The following SEMA7A variants were observed in gnomAD, a reference collection of about 807,000 sequenced individuals.
SEMA7A encodes semaphorin 7A (JohnMiltonHagen blood group), also known as semaphorin-7A.
SEMA7A carries 21 observed loss-of-function variants against 67.5 expected under a neutral mutation model. That is an observed-to-expected ratio of 0.31 (90% CI 0.22 to 0.45). SEMA7A has a LOEUF of 0.45. Among genes scored for constraint, SEMA7A ranks in the 20% least tolerant of loss-of-function variants. The probability of loss-of-function intolerance (pLI) is 1.00; values close to 1 mark genes in which losing one functional copy is unlikely to be tolerated. For synonymous variants in SEMA7A, 364 were observed against 368.5 expected, an observed-to-expected ratio of 0.99 and a Z score of 0.14; for missense variants, 774 against 908.6, an observed-to-expected ratio of 0.85 and a Z score of 1.90.
At chr15:74,432,315 G>A (rs1178856841) in intron 1 of SEMA7A, among the ~76,000 whole-genome samples, 2 of 152,178 alleles carry the variant, frequency 1.3e-5, no homozygotes, top group Non-Finnish European at 2.9e-5. Flanking sequence ...TGGCAGAGGG[G>A]TGTGCAGGCC....
chr15:74,411,642 G>A lies in SEMA7A; in HGVS notation c.1491C>T (p.Gly497=), dbSNP rs150179930. ...ACATGAGGCAACCGTGGCAGCCCCC[G>A]CCATAGACCTCACACAGGTCCAGGG... ...QVPLDLCEVY[G]GGCHGCLMSR... is the part of the protein sequence containing the mutation. Residue 497 remains glycine (G), a synonymous_variant, in exon 12 of 14, where the codon GGC becomes GGT. Coordinates refer to ENST00000261918, the MANE Select transcript of SEMA7A (RefSeq NM_003612.5). This position sits in a 1 kb window ranked among gnomAD's most constrained non-coding sequence, Gnocchi z 4.4. 1,937 of 1,612,364 alleles carry A rather than the reference G, an allele frequency of 1.2e-3. 21 individuals are homozygous for A. In the African/African-American group the frequency reaches 0.023, roughly 19 times the overall value.
chr15:74,417,229 C>T (rs1009085679), intron 6 of SEMA7A, 106 bp downstream of exon 6: 4 of 870,238 alleles, frequency 4.6e-6, no homozygotes, highest in Non-Finnish European at 5.7e-6. Flanking sequence ...CCTGCATGGC[C>T]CCAGCGGCCC....
chr15:74,431,207 C>G (rs1294701785), intron 1 of SEMA7A, among the ~76,000 whole-genome samples: 1 of 152,220 alleles, frequency 6.6e-6, no homozygotes. Flanking sequence ...TCAGTGACAG[C>G]CCTTGGGGGA....
At chr15:74,419,087 TG>T (rs1195118916) in intron 1 of SEMA7A, 135 bp from the exon 2 acceptor site, 18 of 1,010,382 alleles carry the variant, frequency 1.8e-5, no homozygotes, top group African/African-American at 1.6e-5. Context: ...AGCTCTGGGC[TG>T]GGGTGGTACC....
Position 74,423,498 on chromosome 15 carries a change from ATCCTGGGCT to A in SEMA7A, c.179-4555_179-4547del, listed in dbSNP as rs922172156. 5.3e-5 allele frequency among the ~76,000 whole-genome samples: 8 copies of A among 152,258 alleles called. No individual in the cohort carries two copies. The highest frequency in any genetic ancestry group is 1.9e-4 in the African/African-American group (8 of 41,548). ...CCCAGCTGCTTCTCTCCAGGATCAC[ATCCTGGGCT>A]TCCTGGAGAGCCTCTGATTTGCAAA... On this transcript the variant is annotated intron_variant, in intron 1 of 13. Transcript: ENST00000261918. The surrounding 1 kb of genome is among the most constrained non-coding windows in gnomAD (Gnocchi z 4.1).
At chr15:74,422,298 G>A (rs2061006601) in intron 1 of SEMA7A, among the ~76,000 whole-genome samples, 1 of 151,944 alleles carries the variant, frequency 6.6e-6, no homozygotes, top group South Asian at 2.1e-4. Context: ...TCTAAAAGGA[G>A]CACCGTCTGG....
intron 1 of SEMA7A, among the ~76,000 whole-genome samples, chr15:74,421,219 G>A (rs949501291): frequency 6.6e-6 from 1 of 152,158 alleles, no homozygotes; most frequent in African/African-American, 2.4e-5. Context: ...CCTACCCTGG[G>A]AATACATCTG....
rs1252868153 is a variant in SEMA7A, at chr15:74,411,872, G to A, written c.1422+13C>T. ...ACTGCATAGCCCATGGGACGCAGTG[G>A]GGGAAGGCTCACCCGCTCAGCATCC... is the stretch of plus-strand genomic sequence containing the variant. On this transcript the variant is annotated intron_variant, in intron 11 of 13. Transcript: ENST00000261918. This position sits in a 1 kb window ranked among gnomAD's most constrained non-coding sequence, Gnocchi z 4.4. The A allele has an allele frequency of 1.2e-6, 2 of 1,613,534 alleles. No homozygotes were observed. Among genetic ancestry groups the A allele is most frequent in the Non-Finnish European group, 8.5e-7 (1 of 1,179,946 alleles).
At position 74,418,235 on chromosome 15, in the gene SEMA7A, C is replaced by T. The variant is rs750036426; in HGVS notation, c.372+33G>A. On this transcript the variant is annotated intron_variant, in intron 3 of 13. Transcript: ENST00000261918. ...GGTCTCCTCTCCCTTTACCAAGTGG[C>T]TCAGACCCCTCCATACCCCCTCCCC... 6 of 1,607,584 alleles carry T rather than the reference C, an allele frequency of 3.7e-6. No individual in the cohort carries two copies. The East Asian group carries it at 8.9e-5, about 24-fold the overall frequency.
Position 74,411,822 on chromosome 15 carries a change from A to C in SEMA7A, c.1422+63T>G. On this transcript the variant is annotated intron_variant, in intron 11 of 13. Coordinates refer to ENST00000261918, the MANE Select transcript of SEMA7A (RefSeq NM_003612.5). This position sits in a 1 kb window ranked among gnomAD's most constrained non-coding sequence, Gnocchi z 4.4. ...AAAAGAACACACAAATCACATGCAA[A>C]GGAGCCCTGTCCTCAGCTGCAGTCA... is the stretch of plus-strand genomic sequence containing the variant. 1 of 1,606,100 alleles carries C rather than the reference A, an allele frequency of 6.2e-7. No homozygotes were observed. The highest frequency in any genetic ancestry group is 1.1e-5 in the South Asian group (1 of 90,396).
intron 6 of SEMA7A, 49 bp from the exon 7 acceptor site, chr15:74,416,763 G>A: frequency 1.3e-6 from 2 of 1,598,364 alleles, no homozygotes; most frequent in South Asian, 1.1e-5. Context: ...GCTTGCCCGG[G>A]AGACCATCCC....
intron 1 of SEMA7A, among the ~76,000 whole-genome samples, chr15:74,421,314 G>C (rs890203273): frequency 6.6e-6 from 1 of 152,190 alleles, no homozygotes; most frequent in Non-Finnish European, 1.5e-5. Context: ...TGCCCACAAA[G>C]TATCTGCTGA....
chr15:74,410,327 A>C lies in SEMA7A; in HGVS notation c.*297T>G. ...GCTCTTGGGCTGGGAGCATCGCTGCATTTAGTCAAGTTTGAGGAGTCTGAA... is the reference window on the plus strand; with the variant it reads ...GCTCTTGGGCTGGGAGCATCGCTGCCTTTAGTCAAGTTTGAGGAGTCTGAA... On this transcript the variant is annotated 3_prime_UTR_variant, in exon 14 of 14. Transcript: ENST00000261918. This position sits in a 1 kb window ranked among gnomAD's most constrained non-coding sequence, Gnocchi z 7.5. The C allele has an allele frequency of 2.6e-6, 1 of 390,048 alleles. No individual in the cohort carries two copies. The highest frequency in any genetic ancestry group is 4.6e-6 in the Non-Finnish European group (1 of 219,180). 24.2% of individuals were successfully genotyped at this position (390,048 alleles called of 1,614,324 possible). A position where few individuals can be genotyped will look rare whatever the true frequency, so the allele number is the denominator to read the frequency against.
intron 1 of SEMA7A, among the ~76,000 whole-genome samples, chr15:74,433,370 A>G (rs2061108242): frequency 1.3e-5 from 2 of 151,654 alleles, no homozygotes; most frequent in Non-Finnish European, 2.9e-5. Flanking sequence ...TTGGGGTCCC[A>G]GGCGGGGAAA....
At chr15:74,424,285 T>G (rs1396355914) in intron 1 of SEMA7A, among the ~76,000 whole-genome samples, 1 of 152,174 alleles carries the variant, frequency 6.6e-6, no homozygotes, top group Non-Finnish European at 1.5e-5. Flanking sequence ...GTGCTGGTAC[T>G]TGTTTGGGCC....
In SEMA7A at chr15:74,410,773, C is replaced by T; in HGVS notation, c.1852G>A (p.Gly618Ser). 2 of 1,614,158 alleles carry T rather than the reference C, an allele frequency of 1.2e-6. No individual in the cohort carries two copies. Among genetic ancestry groups the T allele is most frequent in the Non-Finnish European group, 1.7e-6 (2 of 1,180,032 alleles). The stretch of plus-strand genomic sequence containing the variant: ...TGCTGAGCCTCGCGGAAGTAGGAGC[C>T]CTCCTGGGCCTCGCAGAAGTAGTGG... ...YGHYFCEAQEGSYFREAQHWQ... is the reference protein window; with the variant it reads ...YGHYFCEAQESSYFREAQHWQ... Residue 618 changes from glycine to serine, a missense_variant, in exon 14 of 14, where the codon GGC becomes AGC. Physicochemically the swap from Gly to Ser is moderately conservative, Grantham distance 56 (BLOSUM62 0). This residue lies in a region of SEMA7A where 427 missense variants were observed against 555.4 expected (regional missense o/e 0.77). Coordinates refer to ENST00000261918, the MANE Select transcript of SEMA7A (RefSeq NM_003612.5). The surrounding 1 kb of genome is among the most constrained non-coding windows in gnomAD (Gnocchi z 7.5).
chr15:74,416,734 G>A lies in SEMA7A; in HGVS notation c.662-20C>T, dbSNP rs2734629. On this transcript the variant is annotated intron_variant, in intron 6 of 13. Coordinates refer to ENST00000261918, the MANE Select transcript of SEMA7A (RefSeq NM_003612.5). ...GTGGGTCTGCCAGGGACAGAGGCGA[G>A]TGGGCGTAAGGCTGGGAAGCTTGCC... is the stretch of plus-strand genomic sequence containing the variant. 1 of 1,612,520 alleles carries A rather than the reference G, an allele frequency of 6.2e-7. No individual in the cohort carries two copies. Among genetic ancestry groups the A allele is most frequent in the East Asian group, 2.2e-5 (1 of 44,872 alleles).
Position 74,429,496 on chromosome 15 carries a change from C to A in SEMA7A, c.178+4245G>T, listed in dbSNP as rs929281823. On this transcript the variant is annotated intron_variant, in intron 1 of 13. Coordinates refer to ENST00000261918, the MANE Select transcript of SEMA7A (RefSeq NM_003612.5). ...GAGAAGACAGAGCTGAGGGACAGAC[C>A]TTCTCACCTGGAGACTGTCCTGCGG... Among the ~76,000 whole-genome samples the A allele has an allele frequency of 2.0e-5, 3 of 152,350 alleles. No homozygotes were observed. In the East Asian group the frequency reaches 5.8e-4, roughly 29 times the overall value.
At chr15:74,430,000 C>G (rs970437395) in intron 1 of SEMA7A, among the ~76,000 whole-genome samples, 1 of 152,114 alleles carries the variant, frequency 6.6e-6, no homozygotes, top group Non-Finnish European at 1.5e-5. Flanking sequence ...CTCTGTTACA[C>G]ATTCTGTTGT....
Sources: allele counts gnomAD v4.1 joint callset (sites outside exome capture counted in the v4.1 genomes callset), GRCh38; gene constraint gnomAD v4.1.1; regional missense constraint gnomAD v4.1.1; non-coding constraint Gnocchi (gnomAD v3.1); transcripts MANE v1.5; gene names NCBI Gene and HGNC (gene_info 2026-07-23, HGNC 2026-07-21).